SPAST: variants seen among roughly 807,000 people sequenced by gnomAD.
SPAST encodes the protein spastic paraplegia 4 (autosomal dominant; spastin).
A neutral mutation model predicts 76.6 loss-of-function variants in SPAST; 30 were observed. The ratio of observed to expected loss-of-function variants is 0.39; its 90% CI spans 0.29 to 0.53. SPAST has a LOEUF of 0.53. Ranked by LOEUF, SPAST falls within the 20% of genes least tolerant of loss-of-function variation. The pLI is 0.68. For missense variants in SPAST, 717 were observed against 770.5 expected, an observed-to-expected ratio of 0.93 and a Z score of 0.82; for synonymous variants, 305 against 281.0, an observed-to-expected ratio of 1.09 and a Z score of -0.86.
chr2:32,081,256 G>A (rs924975319), intron 1 of SPAST, among the ~76,000 whole-genome samples: 3 of 151,150 alleles, frequency 2.0e-5, no homozygotes, highest in Non-Finnish European at 4.4e-5. Flanking sequence ...CTCACCTGGC[G>A]TTTTTTTGTG....
chr2:32,073,225 G>A (rs893939431), intron 1 of SPAST, among the ~76,000 whole-genome samples: 5 of 152,114 alleles, frequency 3.3e-5, no homozygotes, highest in South Asian at 2.1e-4. Flanking sequence ...TAGTGATGGC[G>A]TTTCGCTGTG....
chr2:32,074,629 C>T (rs567623613), intron 1 of SPAST, among the ~76,000 whole-genome samples: 10 of 152,172 alleles, frequency 6.6e-5, no homozygotes, highest in African/African-American at 2.4e-4. Flanking sequence ...GCCTCAGCCT[C>T]CCAACTAGCT....
intron 1 of SPAST, among the ~76,000 whole-genome samples, chr2:32,084,887 C>CA (rs34046587): frequency 0.026 from 2,085 of 80,752 alleles, 36 homozygotes; most frequent in Non-Finnish European, 0.036. Flanking sequence ...GACTCCGTCT[C>CA]AAAAAAAAAA....
intron 14 of SPAST, 67 bp downstream of exon 14, chr2:32,143,482 GTTAT>G (rs1464355906): frequency 1.1e-6 from 1 of 938,162 alleles, no homozygotes; most frequent in Non-Finnish European, 1.7e-6. Context: ...TCTTTTTTTA[GTTAT>G]TTAAAGTAAT....
intron 9 of SPAST, among the ~76,000 whole-genome samples, chr2:32,134,743 C>T (rs1364187546): frequency 6.6e-6 from 1 of 152,072 alleles, no homozygotes. Flanking sequence ...CGCCCCAGGC[C>T]GAAGTGCAGT....
chr2:32,108,476 T>C (rs905654429), intron 4 of SPAST, among the ~76,000 whole-genome samples: 2 of 152,174 alleles, frequency 1.3e-5, no homozygotes, highest in Non-Finnish European at 2.9e-5. Flanking sequence ...ATCACAGTTA[T>C]ATACATCTTT....
chr2:32,140,334 T>C (rs1679675064), intron 12 of SPAST, among the ~76,000 whole-genome samples: 1 of 152,210 alleles, frequency 6.6e-6, no homozygotes, highest in Non-Finnish European at 1.5e-5. Flanking sequence ...CTGTATGTTA[T>C]TTCCATAAGC....
intron 16 of SPAST, among the ~76,000 whole-genome samples, chr2:32,152,962 G>A (rs367644717): frequency 6.6e-6 from 1 of 152,004 alleles, no homozygotes; most frequent in East Asian, 1.9e-4. Flanking sequence ...TGCCCAGGCT[G>A]GTCTCTAACT....
intron 1 of SPAST, among the ~76,000 whole-genome samples, chr2:32,083,632 A>G (rs1353236858): frequency 1.5e-5 from 2 of 137,314 alleles, no homozygotes; most frequent in Non-Finnish European, 3.1e-5. Context: ...TTCTTTGGCA[A>G]TACTTATATT....
intron 1 of SPAST, among the ~76,000 whole-genome samples, chr2:32,075,601 C>T (rs1367060645): frequency 8.3e-6 from 1 of 120,096 alleles, no homozygotes; most frequent in Non-Finnish European, 1.6e-5. Context: ...CCAGGCTGGA[C>T]TGCAGTGGTG....
chr2:32,089,766 ACTT>A (rs1442890469), intron 3 of SPAST, among the ~76,000 whole-genome samples, 161 bp downstream of exon 3: 2 of 151,756 alleles, frequency 1.3e-5, no homozygotes, highest in Non-Finnish European at 2.9e-5. Flanking sequence ...AGCATAATGG[ACTT>A]CTTTTTTTTT....
chr2:32,100,987 G>T (rs980758718), intron 4 of SPAST, among the ~76,000 whole-genome samples: 1 of 152,072 alleles, frequency 6.6e-6, no homozygotes. Flanking sequence ...GTAATGGGAT[G>T]GCTGGGTCAA....
rs530251736 is a variant in SPAST at position 32,124,138 on chromosome 2, A to T, written c.1099-2810A>T. 5.3e-5 allele frequency among the ~76,000 whole-genome samples: 8 copies of T among 152,358 alleles called. No homozygotes were observed. The South Asian group carries it at 1.0e-3, about 20-fold the overall frequency. ...ATTCATTATCTGATGAAGGACCAGTATCCAAAATATACAAAGAACTTTTAA... is the reference window on the plus strand; with the variant it reads ...ATTCATTATCTGATGAAGGACCAGTTTCCAAAATATACAAAGAACTTTTAA... On this transcript the variant is annotated intron_variant, in intron 7 of 16. Coordinates refer to ENST00000315285, the MANE Select transcript of SPAST (RefSeq NM_014946.4).
At position 32,064,195 on chromosome 2, in the gene SPAST, C is replaced by T. The variant is rs1233469782; in HGVS notation, c.364C>T (p.Gln122Ter). The change falls in exon 1 of 17, where the codon CAG becomes TAG. Residue 122 changes from glutamine to a stop codon, truncating the protein, a stop_gained. Coordinates refer to ENST00000315285, the MANE Select transcript of SPAST (RefSeq NM_014946.4). LOFTEE classifies it high-confidence loss of function. ...CGAGCGCGTCCGAGTCTTCCACAAA[C>T]AGGCCTTCGAGTACATCTCCATTGC... ...EAERVRVFHK[Q>*]AFEYISIALR... 1 of 1,551,430 alleles carries T rather than the reference C, an allele frequency of 6.4e-7. No homozygotes were observed. Among genetic ancestry groups the T allele is most frequent in the South Asian group, 1.2e-5 (1 of 84,330 alleles).
chr2:32,129,965 C>T, intron 9 of SPAST: 1 of 153,118 alleles, frequency 6.5e-6, no homozygotes, highest in Non-Finnish European at 1.5e-5. Flanking sequence ...TGCCACTGCA[C>T]TCCAGCCTGA....
At chr2:32,106,583 G>A (rs753317074) in intron 4 of SPAST, among the ~76,000 whole-genome samples, 18 of 152,144 alleles carry the variant, frequency 1.2e-4, no homozygotes, top group Admixed American at 2.6e-4. Flanking sequence ...GGCCATCTTG[G>A]AACCCTGCCT....
At chr2:32,070,910 G>T (rs1298628280) in intron 1 of SPAST, among the ~76,000 whole-genome samples, 1 of 152,154 alleles carries the variant, frequency 6.6e-6, no homozygotes, top group Non-Finnish European at 1.5e-5. Flanking sequence ...TTTTATATAA[G>T]GAGAAGCTGA....
At chr2:32,141,351 G>A (rs534586425) in intron 12 of SPAST, among the ~76,000 whole-genome samples, 3 of 152,188 alleles carry the variant, frequency 2.0e-5, no homozygotes, top group Admixed American at 1.3e-4. Flanking sequence ...GCAGAGCCAG[G>A]CTTCATATGC....
rs139735937 is a variant in SPAST at position 32,091,245 on chromosome 2, C to CTATTAT, written c.586+1687_586+1692dup. On this transcript the variant is annotated intron_variant, in intron 3 of 16. Transcript: ENST00000315285. ...TTTTTATCTAATTTGTAATATGAAG[C>CTATTAT]TATTATTATTATTATTATTATTATT... 5.7e-3 allele frequency among the ~76,000 whole-genome samples: 729 copies of CTATTAT among 126,880 alleles called. 4 individuals are homozygous for CTATTAT. Among genetic ancestry groups the CTATTAT allele is most frequent in the East Asian group, 7.3e-3 (30 of 4,134 alleles). 83.2% of individuals were successfully genotyped at this position (126,880 alleles called of 152,430 possible).
Sources: gnomAD v4.1 joint callset for allele counts (sites outside exome capture counted in the v4.1 genomes callset) on GRCh38, gnomAD v4.1.1 for gene constraint, MANE v1.5 for transcripts, NCBI Gene and HGNC (gene_info 2026-07-23, HGNC 2026-07-21) for gene names.